PPIP5K1: variants seen among roughly 807,000 people sequenced by gnomAD.
The protein encoded by PPIP5K1 is diphosphoinositol pentakisphosphate kinase 1.
A neutral mutation model predicts 27.7 loss-of-function variants in PPIP5K1; 6 were observed. The ratio of observed to expected loss-of-function variants is 0.22; its 90% confidence interval spans 0.12 to 0.43. PPIP5K1 has a LOEUF of 0.43. Ranked by LOEUF, PPIP5K1 falls within the 20% of genes least tolerant of loss-of-function variation. The probability of loss-of-function intolerance (pLI) is 1.00; values close to 1 mark genes in which losing one functional copy is unlikely to be tolerated. For synonymous variants in PPIP5K1, 145 were observed against 242.6 expected, an observed-to-expected ratio of 0.60 and a Z score of 3.74; for missense variants, 394 against 635.4, an observed-to-expected ratio of 0.62 and a Z score of 4.08.
At position 43,553,259 on chromosome 15, in the gene PPIP5K1, G is replaced by A. The variant is rs148833506; in HGVS notation, c.3556+5536C>T. On this transcript the variant is annotated intron_variant, in intron 30 of 31. Transcript: ENST00000420765. ...ATGTGAGAAGCATCTGCATTCTGCA[G>A]TTGTTGGATGGAATGGTCTACATAT... 2.0e-5 allele frequency among the ~76,000 whole-genome samples: 3 copies of A among 152,234 alleles called. No individual in the cohort carries two copies. The East Asian group carries it at 5.8e-4, about 29-fold the overall frequency.
intron 30 of PPIP5K1, among the ~76,000 whole-genome samples, chr15:43,556,316 C>T (rs934538728): frequency 6.6e-6 from 1 of 151,342 alleles, no homozygotes; most frequent in Admixed American, 6.6e-5. Flanking sequence ...GAGACTCCAT[C>T]TCAAAAAACA....
chr15:43,554,494 T>C (rs1347238871), intron 30 of PPIP5K1, among the ~76,000 whole-genome samples: 1 of 152,196 alleles, frequency 6.6e-6, no homozygotes, highest in Non-Finnish European at 1.5e-5. Flanking sequence ...CTAATACTGG[T>C]ATAGCTACTT....
chr15:43,558,746 C>T (rs374700881), intron 30 of PPIP5K1, 49 bp downstream of exon 30: 6 of 1,606,380 alleles, frequency 3.7e-6, no homozygotes, highest in Middle Eastern at 1.7e-4. Context: ...TTCTAGGAAG[C>T]ATGGGCATGG....
chr15:43,535,181 G>A lies in PPIP5K1; in HGVS notation c.3966C>T (p.Ser1322=). Residue 1322 remains serine, a synonymous_variant, in exon 32 of 32, where the codon AGC becomes AGT. Transcript: ENST00000420765. Reference sequence around the variant, plus strand: ...CCTCAGAAATGTCCTGGCATGGCTGGCTGATGTCAGGGACCTCCTGACATG... The same window carrying A: ...CCTCAGAAATGTCCTGGCATGGCTGACTGATGTCAGGGACCTCCTGACATG... The part of the protein sequence containing the change: ...SQPCQEVPDI[S]QPCQDISEAL... 2 of 1,613,626 alleles carry A rather than the reference G, an allele frequency of 1.2e-6. No individual in the cohort carries two copies. The highest frequency in any genetic ancestry group is 1.7e-6 in the Non-Finnish European group (2 of 1,179,868).
At chr15:43,552,406 A>C (rs1389153030) in intron 30 of PPIP5K1, among the ~76,000 whole-genome samples, 1 of 151,844 alleles carries the variant, frequency 6.6e-6, no homozygotes, top group Non-Finnish European at 1.5e-5. Context: ...CTCATTTGTC[A>C]TTTAAGAGTA....
chr15:43,535,300 A>T lies in PPIP5K1; in HGVS notation c.3847T>A (p.Ser1283Thr). 6.2e-7 allele frequency: 1 copy of T among 1,614,122 alleles called. No homozygotes were observed. ...AAAAGCTCTTGCTCCCCTTCTATGG[A>T]GAGCTCTTGTGCTCCACTCCCAGGG... ...ETPGSGAQEL[S>T]IEGEQELFEP... Residue 1283 changes from serine (S) to threonine (T), a missense_variant, in exon 32 of 32, where the codon TCC (serine) becomes ACC (threonine). Physicochemically the swap from Ser to Thr is moderately conservative, Grantham distance 58. Transcript: ENST00000420765.
At chr15:43,554,620 TACACACACACACAGAC>T (rs1390351007) in intron 30 of PPIP5K1, among the ~76,000 whole-genome samples, 30 of 130,086 alleles carry the variant, frequency 2.3e-4, no homozygotes, top group African/African-American at 6.6e-4. Flanking sequence ...ACACCTGGCA[TACACACACACACAGAC>T]ACACACACAC....
Position 43,581,117 on chromosome 15 carries a change from CTGTT to C in PPIP5K1, c.942_945del (p.Thr315PhefsTer28). ...GCACGAAGAAGGTCAAATCCACAAACTGTTTGCTGCAAGGAAAAGAAGAAAGATG... is the reference window on the plus strand; with the variant it reads ...GCACGAAGAAGGTCAAATCCACAAACTGCTGCAAGGAAAAGAAGAAAGATG... On this transcript the variant is annotated frameshift_variant and splice_region_variant, in exon 10 of 32. Transcript: ENST00000420765. LOFTEE classifies it high-confidence loss of function. 6.5e-7 allele frequency: 1 copy of C among 1,534,668 alleles called. No homozygotes were observed. Among genetic ancestry groups the C allele is most frequent in the Non-Finnish European group, 8.7e-7 (1 of 1,143,150 alleles).
At chr15:43,539,641 C>T in intron 30 of PPIP5K1, 58 bp from the exon 31 acceptor site, 1 of 1,071,512 alleles carries the variant, frequency 9.3e-7, no homozygotes, top group Non-Finnish European at 1.4e-6. Flanking sequence ...GAGGAAGAAT[C>T]CAGGAGCCAC....
chr15:43,558,560 T>C (rs921106781), intron 30 of PPIP5K1, among the ~76,000 whole-genome samples: 1 of 152,124 alleles, frequency 6.6e-6, no homozygotes, highest in African/African-American at 2.4e-5. Flanking sequence ...TATCGCCATC[T>C]TGGCCAGGCT....
At chr15:43,539,327 T>C in intron 31 of PPIP5K1, 143 bp downstream of exon 31, 2 of 665,744 alleles carry the variant, frequency 3.0e-6, no homozygotes, top group Non-Finnish European at 2.7e-6. Flanking sequence ...ATCTTAGAAA[T>C]GGCAGATGAG....
intron 30 of PPIP5K1, among the ~76,000 whole-genome samples, chr15:43,546,436 A>ACT (rs1261952391): frequency 2.6e-5 from 4 of 152,106 alleles, no homozygotes; most frequent in Non-Finnish European, 5.9e-5. Flanking sequence ...AGCTAAGACT[A>ACT]CAGGTGCACA....
At chr15:43,540,827 A>G (rs2140420195) in intron 30 of PPIP5K1, among the ~76,000 whole-genome samples, 1 of 146,866 alleles carries the variant, frequency 6.8e-6, no homozygotes, top group Non-Finnish European at 1.5e-5. Context: ...GTGCCACTGC[A>G]CTCTACCATG....
intron 30 of PPIP5K1, among the ~76,000 whole-genome samples, chr15:43,548,866 A>C (rs1227523779): frequency 6.6e-6 from 1 of 150,470 alleles, no homozygotes. Flanking sequence ...TCTCTACTAA[A>C]ATTAGAAAAA....
chr15:43,536,515 C>G (rs1447511017), intron 31 of PPIP5K1, among the ~76,000 whole-genome samples: 1 of 151,950 alleles, frequency 6.6e-6, no homozygotes, highest in Non-Finnish European at 1.5e-5. Flanking sequence ...GGTCAGTGGC[C>G]CCTTTGAGGT....
In PPIP5K1 at chr15:43,586,702, T is replaced by C. The variant is rs1038996906; in HGVS notation, c.-122-1810A>G. ...GAGAGCAAAACCCTGCCTCAAATAA[T>C]GATGATAATAATAATAATAATAATA... On this transcript the variant is annotated intron_variant, in intron 1 of 31. Coordinates refer to ENST00000420765, the MANE Select transcript of PPIP5K1 (RefSeq NM_001394395.1). Among the ~76,000 whole-genome samples, 6 of 114,562 alleles carry C rather than the reference T, an allele frequency of 5.2e-5. No homozygotes were observed. The East Asian group carries it at 1.1e-3, about 21-fold the overall frequency. 75.2% of individuals were successfully genotyped at this position (114,562 alleles called of 152,430 possible). A position where few individuals can be genotyped will look rare whatever the true frequency, so the allele number is the denominator to read the frequency against.
rs1167647001 is a variant in PPIP5K1 at position 43,554,628 on chromosome 15, CACACAG to C, written c.3556+4161_3556+4166del. Among the ~76,000 whole-genome samples the C allele has an allele frequency of 2.7e-3, 378 of 139,314 alleles. 2 individuals carry two copies. Among genetic ancestry groups the C allele is most frequent in the Middle Eastern group, 3.9e-3 (1 of 256 alleles). 91.4% of individuals were successfully genotyped at this position (139,314 alleles called of 152,430 possible). On this transcript the variant is annotated intron_variant, in intron 30 of 31. Transcript: ENST00000420765. ...ATATAAGACACCTGGCATACACACACACACAGACACACACACACACACACACACACA... is the reference window on the plus strand; with the variant it reads ...ATATAAGACACCTGGCATACACACACACACACACACACACACACACACACA...
chr15:43,536,584 A>G (rs534381372), intron 31 of PPIP5K1, among the ~76,000 whole-genome samples: 1 of 152,212 alleles, frequency 6.6e-6, no homozygotes, highest in Non-Finnish European at 1.5e-5. Flanking sequence ...TAATCTTTAC[A>G]TGTGATTCCT....
At chr15:43,559,455 G>C (rs1156643776) in intron 29 of PPIP5K1, among the ~76,000 whole-genome samples, 1 of 152,156 alleles carries the variant, frequency 6.6e-6, no homozygotes, top group African/African-American at 2.4e-5. Flanking sequence ...TAGAATACTT[G>C]GATGCAAACT....
Sources: allele counts gnomAD v4.1 joint callset (sites outside exome capture counted in the v4.1 genomes callset), GRCh38; gene constraint gnomAD v4.1.1; transcripts MANE v1.5; gene names NCBI Gene and HGNC (gene_info 2026-07-23, HGNC 2026-07-21).